The following PCSK2 variants were observed in gnomAD, a reference collection of about 807,000 sequenced individuals.
The protein encoded by PCSK2 is proprotein convertase subtilisin/kexin type 2.
In PCSK2, 14 loss-of-function variants were observed where a neutral mutation model predicts 69.7. That is an observed-to-expected ratio of 0.20 (90% CI 0.13 to 0.31). PCSK2 has a LOEUF of 0.31. PCSK2 is among the 10% of genes least tolerant of loss of function. The pLI, the probability that PCSK2 is intolerant of heterozygous loss-of-function variation, is 1.00. For missense variants in PCSK2, 544 were observed against 842.5 expected, an observed-to-expected ratio of 0.65 and a Z score of 4.39; for synonymous variants, 307 against 320.7, an observed-to-expected ratio of 0.96 and a Z score of 0.46.
intron 7 of PCSK2, among the ~76,000 whole-genome samples, chr20:17,432,572 T>G (rs2032390814): frequency 6.6e-6 from 1 of 152,256 alleles, no homozygotes; most frequent in Admixed American, 6.5e-5. Flanking sequence ...CTTCTTTCTT[T>G]TTTCATTTTA....
intron 2 of PCSK2, among the ~76,000 whole-genome samples, chr20:17,326,278 T>C (rs1990049859): frequency 6.6e-6 from 1 of 152,208 alleles, no homozygotes; most frequent in Non-Finnish European, 1.5e-5. Flanking sequence ...GTGTATGTTG[T>C]ATGCCTTTGA....
intron 2 of PCSK2, among the ~76,000 whole-genome samples, chr20:17,313,351 A>T (rs1672384122): frequency 6.6e-6 from 1 of 150,942 alleles, no homozygotes; most frequent in Admixed American, 6.6e-5. Flanking sequence ...ATTTTATAAA[A>T]CTCTCTCTTC....
At chr20:17,324,666 A>G (rs1308642682) in intron 2 of PCSK2, among the ~76,000 whole-genome samples, 1 of 152,088 alleles carries the variant, frequency 6.6e-6, no homozygotes, top group Admixed American at 6.5e-5. Flanking sequence ...TTCAGCTATC[A>G]GTAGCCCCCA....
intron 11 of PCSK2, among the ~76,000 whole-genome samples, chr20:17,480,184 C>CTTTTTTTTTTTTTTTTTTTTTTTTTTTTT (rs1164266992): frequency 1.3e-5 from 1 of 76,996 alleles, no homozygotes; most frequent in Non-Finnish European, 2.4e-5. Flanking sequence ...TTCAGCTTTT[C>CTTTTTTTTTTTTTTTTTTTTTTTTTTTTT]TTTTTTTTTT....
intron 5 of PCSK2, among the ~76,000 whole-genome samples, chr20:17,380,269 C>T (rs2031052435): frequency 1.3e-5 from 2 of 152,200 alleles, no homozygotes; most frequent in Non-Finnish European, 2.9e-5. Flanking sequence ...CTTGCTGTCT[C>T]TCTGAATTAA....
chr20:17,385,489 A>C (rs780539885), intron 5 of PCSK2, among the ~76,000 whole-genome samples: 9 of 152,240 alleles, frequency 5.9e-5, no homozygotes, highest in African/African-American at 1.2e-4. Context: ...TTGTTAAGGA[A>C]ATGGAATCGT....
intron 5 of PCSK2, among the ~76,000 whole-genome samples, chr20:17,385,109 A>G (rs890227711): frequency 1.3e-5 from 2 of 152,164 alleles, no homozygotes; most frequent in African/African-American, 2.4e-5. Flanking sequence ...GGTTGCCTGC[A>G]TGCTCTAAGG....
intron 11 of PCSK2, chr20:17,479,196 C>A (rs2123423834): frequency 7.3e-7 from 1 of 1,378,556 alleles, no homozygotes. Context: ...AGCTGCTGTG[C>A]GAAAGCCATA....
At position 17,250,971 on chromosome 20, in the gene PCSK2, G is replaced by T. The variant is rs552756371; in HGVS notation, c.178-9269G>T. 1.7e-4 allele frequency among the ~76,000 whole-genome samples: 26 copies of T among 152,094 alleles called. No individual in the cohort carries two copies. The South Asian group carries it at 2.1e-3, about 12-fold the overall frequency. On this transcript the variant is annotated intron_variant, in intron 1 of 11. Coordinates refer to ENST00000262545, the MANE Select transcript of PCSK2 (RefSeq NM_002594.5). ...AAAAATTAGCCAGGTGTGGAAGTAG[G>T]TGCCTGTAATCCCAGCTACTCGGGC...
intron 5 of PCSK2, among the ~76,000 whole-genome samples, chr20:17,376,818 G>A (rs767036797): frequency 2.8e-4 from 43 of 152,338 alleles, no homozygotes; most frequent in Non-Finnish European, 1.2e-4. Flanking sequence ...ACTTATCACA[G>A]TGTTAAGCAA....
intron 8 of PCSK2, among the ~76,000 whole-genome samples, chr20:17,452,919 T>G (rs1476259604): frequency 1.3e-5 from 2 of 152,258 alleles, no homozygotes; most frequent in Non-Finnish European, 2.9e-5. Flanking sequence ...TGTAGGGACT[T>G]ATGCAAAGTT....
intron 4 of PCSK2, among the ~76,000 whole-genome samples, chr20:17,368,478 G>A (rs2030665690): frequency 6.6e-6 from 1 of 152,178 alleles, no homozygotes; most frequent in Non-Finnish European, 1.5e-5. Context: ...CCTGTTTCTT[G>A]GAGGGTTAGA....
chr20:17,318,555 G>A (rs919953457), intron 2 of PCSK2, among the ~76,000 whole-genome samples: 1 of 152,220 alleles, frequency 6.6e-6, no homozygotes, highest in African/African-American at 2.4e-5. Flanking sequence ...TGCAGCGTGG[G>A]AGTTGTTTTG....
intron 8 of PCSK2, among the ~76,000 whole-genome samples, chr20:17,445,535 T>C (rs1380210394): frequency 2.0e-5 from 3 of 152,230 alleles, no homozygotes; most frequent in Admixed American, 2.0e-4. Context: ...CTGGAATGTA[T>C]GGACAGGGAC....
intron 2 of PCSK2, among the ~76,000 whole-genome samples, chr20:17,335,221 G>T (rs1293586979): frequency 6.6e-6 from 1 of 151,880 alleles, no homozygotes; most frequent in East Asian, 1.9e-4. Context: ...ACTCAACAGG[G>T]CTGGATGTCC....
intron 5 of PCSK2, among the ~76,000 whole-genome samples, chr20:17,400,821 G>C (rs1057100313): frequency 1.3e-5 from 2 of 152,116 alleles, no homozygotes; most frequent in Non-Finnish European, 2.9e-5. Context: ...TTGGGAATGA[G>C]TTCATTGCTA....
chr20:17,309,064 G>A (rs764314706), intron 2 of PCSK2, among the ~76,000 whole-genome samples: 10 of 152,150 alleles, frequency 6.6e-5, no homozygotes, highest in East Asian at 1.9e-4. Context: ...TGAAGTAGAC[G>A]GAGCAGTGGA....
At chr20:17,416,062 C>T (rs1015894786) in intron 6 of PCSK2, among the ~76,000 whole-genome samples, 1 of 152,128 alleles carries the variant, frequency 6.6e-6, no homozygotes, top group Admixed American at 6.5e-5. Context: ...GACCTAAAAC[C>T]ATCAAAACCC....
chr20:17,424,959 G>C (rs2032214610), intron 6 of PCSK2, among the ~76,000 whole-genome samples: 1 of 151,876 alleles, frequency 6.6e-6, no homozygotes, highest in East Asian at 1.9e-4. Context: ...TAATTTTTTT[G>C]TGTTTTTAGT....
Sources: allele counts gnomAD v4.1 joint callset (sites outside exome capture counted in the v4.1 genomes callset), GRCh38; gene constraint gnomAD v4.1.1; transcripts MANE v1.5; gene names NCBI Gene and HGNC (gene_info 2026-07-23, HGNC 2026-07-21).